VAV3: variants seen among roughly 807,000 people sequenced by gnomAD.
The protein encoded by VAV3 is guanine nucleotide exchange factor VAV3.
A neutral mutation model predicts 131.2 loss-of-function variants in VAV3; 94 were observed. That is an observed-to-expected ratio of 0.72 (90% CI 0.61 to 0.85). The LOEUF (loss-of-function observed/expected upper bound fraction) is 0.85, where lower values mean the gene tolerates loss of function less well. Ranked by LOEUF, VAV3 falls within the 40% of genes least tolerant of loss-of-function variation. The pLI, the probability that VAV3 is intolerant of heterozygous loss-of-function variation, is 0.00. For synonymous variants in VAV3, 349 were observed against 342.0 expected, an observed-to-expected ratio of 1.02 and a Z score of -0.22; for missense variants, 939 against 1,002.7, an observed-to-expected ratio of 0.94 and a Z score of 0.86.
intron 2 of VAV3, among the ~76,000 whole-genome samples, chr1:107,787,382 G>A (rs1233481116): frequency 6.6e-6 from 1 of 152,208 alleles, no homozygotes; most frequent in African/African-American, 2.4e-5. Context: ...TAACAATGAA[G>A]GGTACTGAGG....
In VAV3 at chr1:107,768,592, T is replaced by TA. The variant is rs1433149340; in HGVS notation, c.649-84dup. 9 of 1,184,060 alleles carry TA rather than the reference T, an allele frequency of 7.6e-6. No homozygotes were observed. The African/African-American group carries it at 1.2e-4, about 16-fold the overall frequency. 73.3% of individuals were successfully genotyped at this position (1,184,060 alleles called of 1,614,324 possible). A position where few individuals can be genotyped will look rare whatever the true frequency, so the allele number is the denominator to read the frequency against. On this transcript the variant is annotated intron_variant, in intron 6 of 26. Coordinates refer to ENST00000370056, the MANE Select transcript of VAV3 (RefSeq NM_006113.5). ...TAGTTTTTCATCAACAAACAACAAA[T>TA]ACGTTTTGAAAGTCAATTGTTGATC...
At chr1:107,864,894 C>G (rs1669911141) in intron 2 of VAV3, among the ~76,000 whole-genome samples, 2 of 152,170 alleles carry the variant, frequency 1.3e-5, no homozygotes, top group South Asian at 4.1e-4. Flanking sequence ...CCTGCTCCTC[C>G]ACCCTGATAA....
At chr1:107,753,493 T>TATATACAC (rs1553201222) in intron 12 of VAV3, among the ~76,000 whole-genome samples, 4 of 111,610 alleles carry the variant, frequency 3.6e-5, no homozygotes, top group Non-Finnish European at 5.6e-5. Flanking sequence ...TGTATATATA[T>TATATACAC]ACACACATAT....
chr1:107,950,997 A>G (rs974185056), intron 1 of VAV3, among the ~76,000 whole-genome samples: 1 of 152,200 alleles, frequency 6.6e-6, no homozygotes, highest in Non-Finnish European at 1.5e-5. Context: ...AGAATAGACC[A>G]TCATCTCATG....
chr1:107,888,954 G>C (rs551192749), intron 1 of VAV3, among the ~76,000 whole-genome samples: 1 of 151,760 alleles, frequency 6.6e-6, no homozygotes, highest in Non-Finnish European at 1.5e-5. Context: ...TTTTACAATC[G>C]GCGGCTTAGA....
intron 15 of VAV3, among the ~76,000 whole-genome samples, chr1:107,735,483 G>A (rs913214278): frequency 6.6e-6 from 1 of 152,048 alleles, no homozygotes; most frequent in Non-Finnish European, 1.5e-5. Context: ...GAAGAAAAGA[G>A]AGAAGAATCA....
At chr1:107,757,155 G>A (rs201809847) in intron 11 of VAV3, 106 bp downstream of exon 11, 17 of 63,688 alleles carry the variant, frequency 2.7e-4, no homozygotes, top group African/African-American at 8.0e-4. Flanking sequence ...GTGTGTATAT[G>A]TGTGTGTGTG....
At chr1:107,905,634 T>C (rs772412104) in intron 1 of VAV3, among the ~76,000 whole-genome samples, 4 of 152,210 alleles carry the variant, frequency 2.6e-5, no homozygotes, top group Non-Finnish European at 5.9e-5. Flanking sequence ...GGAAATACTT[T>C]AAAAGGCATT....
intron 22 of VAV3, among the ~76,000 whole-genome samples, chr1:107,606,637 C>A (rs1652289435): frequency 6.6e-6 from 1 of 151,956 alleles, no homozygotes; most frequent in Admixed American, 6.6e-5. Flanking sequence ...ATTTGCTAAA[C>A]TTTATTTCCC....
chr1:107,770,407 A>C (rs1664973958), intron 6 of VAV3, among the ~76,000 whole-genome samples: 2 of 152,188 alleles, frequency 1.3e-5, no homozygotes, highest in Admixed American at 1.3e-4. Context: ...TGAGAATCAG[A>C]ATACTGTTGT....
chr1:107,952,019 A>T (rs1001075665), intron 1 of VAV3, among the ~76,000 whole-genome samples: 5 of 152,166 alleles, frequency 3.3e-5, no homozygotes, highest in African/African-American at 1.2e-4. Flanking sequence ...ACACACGTAC[A>T]CATATGTTCA....
intron 25 of VAV3, among the ~76,000 whole-genome samples, chr1:107,583,278 T>C (rs976143046): frequency 3.9e-5 from 6 of 152,170 alleles, no homozygotes; most frequent in Admixed American, 3.9e-4. Context: ...AAGAGCTATC[T>C]GTGACAAACC....
chr1:107,760,501 T>C (rs185293744), intron 10 of VAV3, among the ~76,000 whole-genome samples: 2 of 152,324 alleles, frequency 1.3e-5, no homozygotes, highest in Non-Finnish European at 2.9e-5. Flanking sequence ...GAAGACTTGG[T>C]TGAAAAAATA....
intron 20 of VAV3, among the ~76,000 whole-genome samples, chr1:107,623,827 G>A (rs1653787945): frequency 6.6e-6 from 1 of 152,182 alleles, no homozygotes; most frequent in Admixed American, 6.5e-5. Context: ...AACAGTGAAA[G>A]TTCATGAGGT....
intron 20 of VAV3, among the ~76,000 whole-genome samples, chr1:107,639,601 T>A (rs1655182586): frequency 6.6e-6 from 1 of 152,124 alleles, no homozygotes; most frequent in African/African-American, 2.4e-5. Context: ...GAATTAATGA[T>A]TAAAGAAATG....
At chr1:107,587,718 G>C (rs754529253) in intron 25 of VAV3, among the ~76,000 whole-genome samples, 37 of 152,290 alleles carry the variant, frequency 2.4e-4, no homozygotes, top group Middle Eastern at 3.4e-3. Context: ...GGCCTCCCGA[G>C]TAGCTGGGAT....
At chr1:107,854,822 A>G (rs896542496) in intron 2 of VAV3, among the ~76,000 whole-genome samples, 4 of 152,266 alleles carry the variant, frequency 2.6e-5, no homozygotes, top group Admixed American at 6.5e-5. Flanking sequence ...ATGTGAAAGC[A>G]TAACAGTAAC....
intron 2 of VAV3, among the ~76,000 whole-genome samples, chr1:107,811,760 G>A (rs1312052982): frequency 6.6e-6 from 1 of 152,106 alleles, no homozygotes; most frequent in East Asian, 1.9e-4. Context: ...CAACTGCAAA[G>A]CAAGAAGAAA....
chr1:107,847,751 C>G (rs1669037004), intron 2 of VAV3, among the ~76,000 whole-genome samples: 1 of 152,150 alleles, frequency 6.6e-6, no homozygotes, highest in Non-Finnish European at 1.5e-5. Context: ...AGACCAATAA[C>G]AAGTTCTGAA....
Sources: allele counts gnomAD v4.1 joint callset (sites outside exome capture counted in the v4.1 genomes callset), GRCh38; gene constraint gnomAD v4.1.1; transcripts MANE v1.5; gene names NCBI Gene and HGNC (gene_info 2026-07-23, HGNC 2026-07-21).